Variants in BLZF1 observed in about 807,000 individuals in gnomAD.
BLZF1 encodes the protein basic leucine zipper nuclear factor 1.
In BLZF1, 39 loss-of-function variants were observed where a neutral mutation model predicts 43.8. The ratio of observed to expected loss-of-function variants is 0.89; its 90% CI spans 0.69 to 1.16. The LOEUF is 1.16. BLZF1 is among the 50% of genes most tolerant of loss of function. The probability of loss-of-function intolerance (pLI) is 0.00; values close to 1 mark genes in which losing one functional copy is unlikely to be tolerated. For synonymous variants in BLZF1, 136 were observed against 159.4 expected (o/e 0.85, Z 1.11); for missense variants, 449 against 469.8 (o/e 0.96, Z 0.41).
chr1:169,373,073 T>G (rs1276012679), intron 2 of BLZF1, among the ~76,000 whole-genome samples: 2 of 152,220 alleles, frequency 1.3e-5, no homozygotes, highest in Admixed American at 1.3e-4. Context: ...TTTTACCTTT[T>G]GGTTCACAAA....
intron 2 of BLZF1, among the ~76,000 whole-genome samples, chr1:169,374,958 A>G (rs1230272881): frequency 6.6e-6 from 1 of 152,092 alleles, no homozygotes; most frequent in Non-Finnish European, 1.5e-5. Context: ...AAATAAATAA[A>G]TAGTAAGGAT....
At chr1:169,377,523 C>T (rs2102012256) in intron 3 of BLZF1, 1 of 152,260 alleles carries the variant, frequency 6.6e-6, no homozygotes, top group South Asian at 2.1e-4. Flanking sequence ...AGATACAAGT[C>T]TTCATAAGTG....
chr1:169,391,756 C>T (rs1472255736), downstream of BLZF1, among the ~76,000 whole-genome samples: 6 of 110,188 alleles, frequency 5.4e-5, no homozygotes, highest in Non-Finnish European at 1.4e-4. Flanking sequence ...CCTCTGGAGC[C>T]TCAGTAAATT....
At chr1:169,386,175 G>C (rs1313244969) in intron 6 of BLZF1, among the ~76,000 whole-genome samples, 1 of 152,092 alleles carries the variant, frequency 6.6e-6, no homozygotes, top group African/African-American at 2.4e-5. Context: ...TTGTGTTGTG[G>C]AACCCAGGAA....
At position 169,380,588 on chromosome 1, in the gene BLZF1, A is replaced by T. The variant is rs1332679443; in HGVS notation, c.776A>T (p.Gln259Leu). The T allele has an allele frequency of 6.2e-7, 1 of 1,612,736 alleles. No individual in the cohort carries two copies. The highest frequency in any genetic ancestry group is 1.1e-5 in the South Asian group (1 of 91,002). The part of the protein sequence containing the change: ...DLLSEREQFR[Q>L]EMIATQKLLE... Reference sequence around the variant, plus strand: ...CTAAGTGAACGGGAACAGTTTCGTCAAGAAATGATAGCTACCCAGAAGTAT... The same window carrying T: ...CTAAGTGAACGGGAACAGTTTCGTCTAGAAATGATAGCTACCCAGAAGTAT... Residue 259 changes from glutamine (Q) to leucine (L), a missense_variant, in exon 5 of 7, where the codon CAA becomes CTA. Coordinates refer to ENST00000367808, the MANE Select transcript of BLZF1 (RefSeq NM_001320973.2).
At chr1:169,373,280 A>C (rs931379415) in intron 2 of BLZF1, among the ~76,000 whole-genome samples, 13 of 152,174 alleles carry the variant, frequency 8.5e-5, no homozygotes, top group Admixed American at 2.6e-4. Context: ...TGAATAATTT[A>C]AGGATTGTTT....
At chr1:169,377,298 G>A in intron 3 of BLZF1, 1 of 314,852 alleles carries the variant, frequency 3.2e-6, no homozygotes, top group Non-Finnish European at 5.8e-6. Context: ...TAATTGACCA[G>A]CAGTCCTTGT....
chr1:169,380,524 C>A lies in BLZF1; in HGVS notation c.712C>A (p.Arg238Ser), dbSNP rs368872376. 5.6e-6 allele frequency: 9 copies of A among 1,612,372 alleles called. No homozygotes were observed. The East Asian group carries it at 2.0e-4, about 36-fold the overall frequency. Reference protein sequence around the residue: ...ELTNSRAALQRQNRDAHGAIQ... With the variant: ...ELTNSRAALQSQNRDAHGAIQ... ...AACCAACTCAAGAGCAGCTTTACAG[C>A]GTCAAAACCGTGATGCACACGGGGC... Residue 238 changes from arginine (R) to serine (S), a missense_variant, in exon 5 of 7, where the codon CGT (arginine) becomes AGT (serine). Coordinates refer to ENST00000367808, the MANE Select transcript of BLZF1 (RefSeq NM_001320973.2).
At chr1:169,379,027 C>G (rs1252830204) in intron 4 of BLZF1, among the ~76,000 whole-genome samples, 1 of 151,850 alleles carries the variant, frequency 6.6e-6, no homozygotes, top group Non-Finnish European at 1.5e-5. Context: ...AGCAAAAACC[C>G]TGGGGTTCTC....
At chr1:169,378,050 A>T (rs893455195) in intron 3 of BLZF1, among the ~76,000 whole-genome samples, 1 of 152,052 alleles carries the variant, frequency 6.6e-6, no homozygotes, top group Admixed American at 6.6e-5. Context: ...TTAAGTGTTG[A>T]CTAGAAGCAA....
At chr1:169,385,594 T>C (rs534311886) in intron 6 of BLZF1, among the ~76,000 whole-genome samples, 1 of 152,358 alleles carries the variant, frequency 6.6e-6, no homozygotes, top group South Asian at 2.1e-4. Context: ...AGAACTTATT[T>C]TCTCCTCTAA....
intron 5 of BLZF1, 49 bp downstream of exon 5, chr1:169,380,658 TAA>T (rs1323460705): frequency 6.3e-7 from 1 of 1,594,604 alleles, no homozygotes; most frequent in African/African-American, 1.3e-5. Flanking sequence ...TCCTGCAAAT[TAA>T]GTTATTGTAG....
At chr1:169,390,903 A>G (rs35866785), downstream of BLZF1, among the ~76,000 whole-genome samples, 12,444 of 152,326 alleles carry the variant, frequency 0.082, 756 homozygotes, top group Non-Finnish European at 0.13. Context: ...GCATGCACAC[A>G]TGCACACATA....
intron 2 of BLZF1, among the ~76,000 whole-genome samples, chr1:169,372,932 T>TA (rs555051248): frequency 9.6e-4 from 145 of 151,658 alleles, no homozygotes; most frequent in African/African-American, 1.5e-3. Context: ...TATCCTGAAT[T>TA]AAAAAAAAAT....
chr1:169,388,255 T>G lies in BLZF1; in HGVS notation c.*1073T>G, dbSNP rs1163427634. 1 of 152,178 alleles carries G rather than the reference T, an allele frequency of 6.6e-6. No homozygotes were observed. The highest frequency in any genetic ancestry group is 1.5e-5 in the Non-Finnish European group (1 of 68,024). The allele number at this position is 152,178 out of a possible 1,614,324, so 9.4% of individuals were successfully genotyped here. A position where few individuals can be genotyped will look rare whatever the true frequency, so the allele number is the denominator to read the frequency against. ...TCAATGATTTTTTTTGTCTGACTCA[T>G]CTGAGTTATATTTAGTTTTCAAGTG... is the stretch of plus-strand genomic sequence containing the variant. On this transcript the variant is annotated 3_prime_UTR_variant, in exon 7 of 7. Coordinates refer to ENST00000367808, the MANE Select transcript of BLZF1 (RefSeq NM_001320973.2).
chr1:169,393,550 C>T (rs552982611), intron 7 of BLZF1, among the ~76,000 whole-genome samples: 86 of 150,082 alleles, frequency 5.7e-4, no homozygotes, highest in African/African-American at 1.9e-3. Context: ...AGATGTGCCA[C>T]GGCACTCCAG....
chr1:169,378,951 C>G (rs528964674), intron 4 of BLZF1, among the ~76,000 whole-genome samples: 14 of 152,022 alleles, frequency 9.2e-5, no homozygotes, highest in African/African-American at 2.9e-4. Context: ...ACGTTTTTCT[C>G]TCTATGCACA....
At chr1:169,379,675 T>A (rs1289132912) in intron 4 of BLZF1, among the ~76,000 whole-genome samples, 1 of 152,012 alleles carries the variant, frequency 6.6e-6, no homozygotes, top group African/African-American at 2.4e-5. Flanking sequence ...GTAACTGCAG[T>A]CTCAGACTTA....
intron 1 of BLZF1, among the ~76,000 whole-genome samples, 191 bp downstream of exon 1, chr1:169,368,533 C>G (rs1253214176): frequency 2.0e-5 from 3 of 152,178 alleles, no homozygotes; most frequent in Non-Finnish European, 4.4e-5. Context: ...CCCGGCCTAT[C>G]GCTTTCATAC....
Sources: gnomAD v4.1 joint callset for allele counts (sites outside exome capture counted in the v4.1 genomes callset) on GRCh38, gnomAD v4.1.1 for gene constraint, MANE v1.5 for transcripts, NCBI Gene and HGNC (gene_info 2026-07-23, HGNC 2026-07-21) for gene names.